The following PLCB1 variants were observed in gnomAD, a reference collection of about 807,000 sequenced individuals.
PLCB1 encodes the protein 1-phosphatidylinositol 4,5-bisphosphate phosphodiesterase beta-1.
In PLCB1, 46 loss-of-function variants were observed where a neutral mutation model predicts 161.8. That is an observed-to-expected ratio of 0.28 (90% CI 0.22 to 0.36). The LOEUF (loss-of-function observed/expected upper bound fraction) is 0.36. Ranked by LOEUF, PLCB1 falls within the 10% of genes least tolerant of loss-of-function variation. The pLI is 1.00. For synonymous variants in PLCB1, 517 were observed against 503.7 expected, an observed-to-expected ratio of 1.03 and a Z score of -0.35; for missense variants, 1,016 against 1,472.5, an observed-to-expected ratio of 0.69 and a Z score of 5.07.
intron 2 of PLCB1, among the ~76,000 whole-genome samples, chr20:8,211,340 C>G (rs1978812865): frequency 6.6e-6 from 1 of 152,090 alleles, no homozygotes; most frequent in Non-Finnish European, 1.5e-5. Flanking sequence ...AAGTTGAAAA[C>G]CTACCGGAAT....
intron 3 of PLCB1, among the ~76,000 whole-genome samples, chr20:8,429,602 G>T (rs1039458390): frequency 6.6e-6 from 1 of 152,050 alleles, no homozygotes; most frequent in South Asian, 2.1e-4. Context: ...GTATGTATAC[G>T]TGCATGTATG....
intron 31 of PLCB1, among the ~76,000 whole-genome samples, chr20:8,845,366 A>G (rs537889125): frequency 1.2e-4 from 18 of 152,308 alleles, no homozygotes; most frequent in Middle Eastern, 3.4e-3. Flanking sequence ...TCTCAAATAC[A>G]TTGATCTCTT....
intron 3 of PLCB1, among the ~76,000 whole-genome samples, chr20:8,617,736 G>C (rs1600195182): frequency 6.6e-6 from 1 of 152,144 alleles, no homozygotes; most frequent in Admixed American, 6.5e-5. Context: ...GGAAATCTTA[G>C]GTCGAAGTGG....
intron 2 of PLCB1, among the ~76,000 whole-genome samples, chr20:8,261,425 G>A (rs576155926): frequency 6.6e-6 from 1 of 152,246 alleles, no homozygotes; most frequent in African/African-American, 2.4e-5. Flanking sequence ...TAGAAAAGGA[G>A]ATGTCTAACT....
At chr20:8,808,890 A>G (rs1054418394) in intron 31 of PLCB1, among the ~76,000 whole-genome samples, 3 of 152,240 alleles carry the variant, frequency 2.0e-5, no homozygotes, top group Non-Finnish European at 4.4e-5. Flanking sequence ...AACCATTACT[A>G]CAAATTAAAT....
At chr20:8,785,409 C>A (rs1983435685) in intron 27 of PLCB1, among the ~76,000 whole-genome samples, 2 of 152,152 alleles carry the variant, frequency 1.3e-5, no homozygotes, top group African/African-American at 4.8e-5. Context: ...GTAGCAAGAT[C>A]TAGAAAGCCA....
intron 9 of PLCB1, among the ~76,000 whole-genome samples, chr20:8,662,354 G>A (rs12481233): frequency 0.39 from 34,117 of 86,504 alleles, 6,364 homozygotes; most frequent in Non-Finnish European, 0.43. Context: ...TGTATAATAT[G>A]TAATTATTTA....
At chr20:8,197,588 AT>A (rs1242628566) in intron 2 of PLCB1, among the ~76,000 whole-genome samples, 1 of 151,840 alleles carries the variant, frequency 6.6e-6, no homozygotes, top group Non-Finnish European at 1.5e-5. Context: ...GATTGCAAAA[AT>A]TTTCTGCCAT....
chr20:8,312,906 C>T (rs1468453936), intron 2 of PLCB1, among the ~76,000 whole-genome samples: 1 of 151,868 alleles, frequency 6.6e-6, no homozygotes, highest in East Asian at 1.9e-4. Flanking sequence ...TGAAGAGTGG[C>T]TGTCCTTTTC....
chr20:8,553,952 A>G (rs893449650), intron 3 of PLCB1, among the ~76,000 whole-genome samples: 1 of 151,988 alleles, frequency 6.6e-6, no homozygotes, highest in African/African-American at 2.4e-5. Context: ...CAGTGAGCCG[A>G]GATTGCACTA....
rs908287710 is a variant in PLCB1, at chr20:8,884,151, T to G, written c.*2302T>G. On this transcript the variant is annotated 3_prime_UTR_variant, in exon 32 of 32. Coordinates refer to ENST00000338037, the MANE Select transcript of PLCB1 (RefSeq NM_015192.4). ...TTTGGCCATTTACTGTAATCACATT[T>G]TTATATCTGTACAATGACACTTTTT... 6.6e-6 allele frequency: 1 copy of G among 152,518 alleles called. No homozygotes were observed. The highest frequency in any genetic ancestry group is 1.5e-5 in the Non-Finnish European group (1 of 68,012). The allele number at this position is 152,518 out of a possible 1,614,324, so 9.4% of individuals were successfully genotyped here.
intron 26 of PLCB1, among the ~76,000 whole-genome samples, chr20:8,772,738 G>A (rs901885354): frequency 6.6e-6 from 1 of 152,010 alleles, no homozygotes; most frequent in African/African-American, 2.4e-5. Context: ...TTTGAGACCA[G>A]CCTGACCAAC....
intron 31 of PLCB1, among the ~76,000 whole-genome samples, chr20:8,808,167 A>G (rs1016336794): frequency 6.6e-6 from 1 of 152,214 alleles, no homozygotes; most frequent in Non-Finnish European, 1.5e-5. Context: ...TACTCTGCTC[A>G]GCTTCCACAG....
chr20:8,632,035 CTTTTTTTTTTTTT>C lies in PLCB1; in HGVS notation c.384+3624_384+3636del, dbSNP rs34028351. On this transcript the variant is annotated intron_variant, in intron 4 of 31. Coordinates refer to ENST00000338037, the MANE Select transcript of PLCB1 (RefSeq NM_015192.4). ...AGGAGACAAATATGGGTTTTTTTTG[CTTTTTTTTTTTTT>C]TTTTTTTTTTTTTTTTTTTGCCTGC... 4.4e-3 allele frequency among the ~76,000 whole-genome samples: 203 copies of C among 45,966 alleles called. 1 individual carries two copies. The highest frequency in any genetic ancestry group is 6.5e-3 in the Non-Finnish European group (175 of 27,000). The allele number at this position is 45,966 out of a possible 152,430, so 30.2% of individuals were successfully genotyped here.
At chr20:8,752,410 A>G (rs1600299004) in intron 23 of PLCB1, 1 of 152,208 alleles carries the variant, frequency 6.6e-6, no homozygotes, top group Non-Finnish European at 1.5e-5. Context: ...TGGCTGTGAA[A>G]AAGCTGTTGT....
At chr20:8,742,022 T>C (rs1002132624) in intron 23 of PLCB1, among the ~76,000 whole-genome samples, 12 of 152,172 alleles carry the variant, frequency 7.9e-5, no homozygotes, top group Non-Finnish European at 1.8e-4. Context: ...GTATGAGTCA[T>C]AAAGAGTCTA....
At chr20:8,699,310 T>A (rs1401654704) in intron 11 of PLCB1, among the ~76,000 whole-genome samples, 1 of 152,094 alleles carries the variant, frequency 6.6e-6, no homozygotes, top group East Asian at 1.9e-4. Context: ...ACATGGGAGA[T>A]CAGAGTACTG....
At chr20:8,518,562 T>C (rs1381706484) in intron 3 of PLCB1, among the ~76,000 whole-genome samples, 2 of 152,136 alleles carry the variant, frequency 1.3e-5, no homozygotes, top group Non-Finnish European at 2.9e-5. Flanking sequence ...CATTAGTTCA[T>C]TAGTTTATCT....
intron 3 of PLCB1, among the ~76,000 whole-genome samples, chr20:8,392,888 C>A (rs1374062907): frequency 6.6e-6 from 1 of 152,076 alleles, no homozygotes; most frequent in East Asian, 1.9e-4. Context: ...GAAAGAATTC[C>A]TATCTATGGC....
Sources: gnomAD v4.1 joint callset for allele counts (sites outside exome capture counted in the v4.1 genomes callset) on GRCh38, gnomAD v4.1.1 for gene constraint, MANE v1.5 for transcripts, NCBI Gene and HGNC (gene_info 2026-07-23, HGNC 2026-07-21) for gene names.